ANO10: variants seen among roughly 807,000 people sequenced by gnomAD.
ANO10 encodes anoctamin 10.
In ANO10, 77 loss-of-function variants were observed where a neutral mutation model predicts 74.7. That is an observed-to-expected ratio of 1.03 (90% CI 0.86 to 1.25). The LOEUF (loss-of-function observed/expected upper bound fraction) is 1.25. ANO10 is among the 50% of genes most tolerant of loss of function. The pLI is 0.00. For missense variants in ANO10, 721 were observed against 778.1 expected, an observed-to-expected ratio of 0.93 and a Z score of 0.87; for synonymous variants, 279 against 284.9, an observed-to-expected ratio of 0.98 and a Z score of 0.21.
chr3:43,504,503 G>C (rs546408356), intron 11 of ANO10, among the ~76,000 whole-genome samples: 11 of 152,170 alleles, frequency 7.2e-5, no homozygotes, highest in African/African-American at 2.4e-4. Context: ...CTAGCTGATT[G>C]CAACTGTAGC....
chr3:43,657,009 CCA>C (rs2083864928), intron 1 of ANO10, among the ~76,000 whole-genome samples: 1 of 152,218 alleles, frequency 6.6e-6, no homozygotes, highest in East Asian at 1.9e-4. Flanking sequence ...TAAATTTTTA[CCA>C]GTGTTTTCTT....
At chr3:43,466,388 C>CAAAAAA (rs1205923618) in intron 11 of ANO10, among the ~76,000 whole-genome samples, 17 of 87,460 alleles carry the variant, frequency 1.9e-4, no homozygotes, top group Non-Finnish European at 3.2e-4. Flanking sequence ...AAAAAAAAAA[C>CAAAAAA]AAACAAAAAA....
intron 1 of ANO10, among the ~76,000 whole-genome samples, chr3:43,614,771 C>CTATATATATATATATATATATATATA (rs61084802): frequency 2.5e-4 from 13 of 52,698 alleles, no homozygotes; most frequent in African/African-American, 4.4e-4. Context: ...GAAAACTAAA[C>CTATATATATATATATATATATATATA]TATATATATA....
chr3:43,386,594 T>C (rs1374721773), intron 12 of ANO10, among the ~76,000 whole-genome samples: 1 of 152,012 alleles, frequency 6.6e-6, no homozygotes. Flanking sequence ...GAATTCAGGC[T>C]GCTCCATGGT....
chr3:43,431,105 C>T lies in ANO10; in HGVS notation c.1914+1506G>A, dbSNP rs748456338. 4.7e-5 allele frequency among the ~76,000 whole-genome samples: 7 copies of T among 149,974 alleles called. 1 individual carries two copies. Among genetic ancestry groups the T allele is most frequent in the Non-Finnish European group, 8.9e-5 (6 of 67,778 alleles). On this transcript the variant is annotated intron_variant, in intron 12 of 12. Coordinates refer to ENST00000292246, the MANE Select transcript of ANO10 (RefSeq NM_018075.5). ...TTTTTTTTTTTGAGACAAGGTCTCACTCTGTTACCCAGGCGGGAGTGCAGT... is the reference window on the plus strand; with the variant it reads ...TTTTTTTTTTTGAGACAAGGTCTCATTCTGTTACCCAGGCGGGAGTGCAGT...
At chr3:43,437,651 A>G (rs774875640) in intron 11 of ANO10, among the ~76,000 whole-genome samples, 5 of 152,150 alleles carry the variant, frequency 3.3e-5, no homozygotes, top group African/African-American at 9.7e-5. Context: ...AGAAATTACA[A>G]TCTCCTAAAA....
intron 11 of ANO10, chr3:43,472,731 T>C (rs1480939649): frequency 1.3e-5 from 2 of 152,224 alleles, no homozygotes; most frequent in Non-Finnish European, 1.5e-5. Context: ...AATGTAAATA[T>C]AGACCAGATT....
chr3:43,677,495 A>T lies in ANO10; in HGVS notation c.-12+14022T>A, dbSNP rs148667254. Among the ~76,000 whole-genome samples the T allele has an allele frequency of 8.4e-3, 1,275 of 152,344 alleles. 20 individuals are homozygous for T. Among genetic ancestry groups the T allele is most frequent in the African/African-American group, 0.029 (1,209 of 41,580 alleles). On this transcript the variant is annotated intron_variant, in intron 1 of 3. Transcript: ENST00000413397. ...GTTATCAATGCATCGTGTGAAGGTG[A>T]TTTGATGATCTATTGCTACCTAACA...
intron 1 of ANO10, among the ~76,000 whole-genome samples, chr3:43,684,809 T>C (rs1322684908): frequency 6.6e-6 from 1 of 152,178 alleles, no homozygotes. Context: ...GAAACCATCA[T>C]TCTCAGCAAA....
At chr3:43,551,844 G>C (rs2079477616) in intron 10 of ANO10, among the ~76,000 whole-genome samples, 2 of 152,078 alleles carry the variant, frequency 1.3e-5, no homozygotes. Context: ...GATTCTTAGA[G>C]ACAGCATATA....
chr3:43,579,282 T>C (rs2081157070), intron 5 of ANO10, among the ~76,000 whole-genome samples: 1 of 152,188 alleles, frequency 6.6e-6, no homozygotes, highest in Non-Finnish European at 1.5e-5. Context: ...GCCAAGGTAA[T>C]TACAAATCAC....
chr3:43,637,080 G>A (rs920273992), intron 1 of ANO10, among the ~76,000 whole-genome samples: 4 of 152,224 alleles, frequency 2.6e-5, no homozygotes, highest in Non-Finnish European at 4.4e-5. Context: ...TGTGGTGGGA[G>A]GATCAATTGA....
At chr3:43,497,593 A>AGGTTAATGAATCCACCCT (rs2076961437) in intron 11 of ANO10, among the ~76,000 whole-genome samples, 1 of 152,076 alleles carries the variant, frequency 6.6e-6, no homozygotes, top group Admixed American at 6.5e-5. Context: ...ACCCTACTGA[A>AGGTTAATGAATCCACCCT]TCTTTGGGAA....
chr3:43,649,494 T>C (rs9816887), intron 1 of ANO10, among the ~76,000 whole-genome samples: 6,658 of 152,244 alleles, frequency 0.044, 470 homozygotes, highest in African/African-American at 0.15. Context: ...ACTTGCTGAA[T>C]GAATAGTGTG....
chr3:43,366,822 G>T lies in ANO10; in HGVS notation c.*84C>A. ...GTCTGGGTTCAGGAGCCACGATGCT[G>T]CCCCGGGTACCCCCCCTGCCACCGT... On this transcript the variant is annotated 3_prime_UTR_variant, in exon 13 of 13. Transcript: ENST00000292246. 2 of 1,401,426 alleles carry T rather than the reference G, an allele frequency of 1.4e-6. No homozygotes were observed. Among genetic ancestry groups the T allele is most frequent in the Non-Finnish European group, 2.0e-6 (2 of 1,012,830 alleles). The allele number at this position is 1,401,426 out of a possible 1,614,324, so 86.8% of individuals were successfully genotyped here. A position where few individuals can be genotyped will look rare whatever the true frequency, so the allele number is the denominator to read the frequency against.
rs1317764803 is a variant in ANO10, at chr3:43,432,630, A to G, written c.1895T>C (p.Leu632Ser). Reference sequence around the variant, plus strand: ...TCTCACCTGCTGCTTGAGTGCCTCCAAAGACTCAAATTCCAGTCTGGCTAG... The same window carrying G: ...TCTCACCTGCTGCTTGAGTGCCTCCGAAGACTCAAATTCCAGTCTGGCTAG... ...MKLARLEFES[L>S]EALKQQQMKL... is the part of the protein sequence containing the mutation. Residue 632 changes from leucine to serine, a missense_variant, in exon 12 of 13, where the codon TTG becomes TCG. Transcript: ENST00000292246. 6.2e-7 allele frequency: 1 copy of G among 1,613,364 alleles called. No homozygotes were observed. The highest frequency in any genetic ancestry group is 8.5e-7 in the Non-Finnish European group (1 of 1,179,462).
chr3:43,651,256 C>A (rs2083783451), intron 1 of ANO10, among the ~76,000 whole-genome samples: 1 of 147,336 alleles, frequency 6.8e-6, no homozygotes, highest in African/African-American at 2.7e-5. Context: ...ACACTGTTCT[C>A]ACTTTTACAA....
intron 1 of ANO10, among the ~76,000 whole-genome samples, chr3:43,670,454 T>C (rs1339637067): frequency 6.6e-6 from 1 of 152,228 alleles, no homozygotes; most frequent in Non-Finnish European, 1.5e-5. Flanking sequence ...GTGGTATTTT[T>C]ACATAATGTT....
intron 1 of ANO10, among the ~76,000 whole-genome samples, chr3:43,633,494 T>C (rs1299118168): frequency 6.6e-6 from 1 of 152,212 alleles, no homozygotes; most frequent in African/African-American, 2.4e-5. Flanking sequence ...CTTTTCTGTG[T>C]CTTCTGTGTA....
Sources: gnomAD v4.1 joint callset for allele counts (sites outside exome capture counted in the v4.1 genomes callset) on GRCh38, gnomAD v4.1.1 for gene constraint, MANE v1.5 for transcripts, NCBI Gene and HGNC (gene_info 2026-07-23, HGNC 2026-07-21) for gene names.